The following TEX101 variants were observed in gnomAD, a reference collection of about 807,000 sequenced individuals.
The protein encoded by TEX101 is testis expressed 101.
In TEX101, 10 loss-of-function variants were observed where a neutral mutation model predicts 18.1. The ratio of observed to expected loss-of-function variants is 0.55; its 90% CI spans 0.34 to 0.94. The LOEUF (loss-of-function observed/expected upper bound fraction) is 0.94. Ranked by LOEUF, TEX101 falls within the 40% of genes least tolerant of loss-of-function variation. TEX101 has a pLI of 0.02. For synonymous variants in TEX101, 94 were observed against 114.8 expected, an observed-to-expected ratio of 0.82 and a Z score of 1.16; for missense variants, 259 against 298.9, an observed-to-expected ratio of 0.87 and a Z score of 0.98.
At chr19:43,399,802 A>ATTTTTTT (rs71169230), upstream of TEX101, among the ~76,000 whole-genome samples, 1 of 113,282 alleles carries the variant, frequency 8.8e-6, no homozygotes, top group African/African-American at 3.4e-5. Flanking sequence ...CCTATGTCCT[A>ATTTTTTT]TTTTTTTTTT....
At chr19:43,413,869 C>T (rs1017031879), upstream of TEX101, among the ~76,000 whole-genome samples, 11 of 151,778 alleles carry the variant, frequency 7.2e-5, no homozygotes, top group Admixed American at 3.3e-4. Flanking sequence ...GCATGAGAAT[C>T]GCTTGAACCT....
At chr19:43,390,450 C>CTTTTTTTTTTTT in the TEX101 span, among the ~76,000 whole-genome samples, 10 of 62,856 alleles carry the variant, frequency 1.6e-4, no homozygotes, top group African/African-American at 4.4e-4. Flanking sequence ...CTTTTCTTTT[C>CTTTTTTTTTTTT]TTTTTTTTTC....
chr19:43,400,696 G>A (rs1970311296), upstream of TEX101, among the ~76,000 whole-genome samples: 1 of 152,036 alleles, frequency 6.6e-6, no homozygotes, highest in South Asian at 2.1e-4. Flanking sequence ...CACCAGTTTA[G>A]TTTTCACTTT....
At chr19:43,393,753 G>T in the TEX101 span, among the ~76,000 whole-genome samples, 1 of 151,630 alleles carries the variant, frequency 6.6e-6, no homozygotes, top group East Asian at 2.0e-4. Context: ...GTGATATCAC[G>T]ATCATCTCCA....
At chr19:43,415,059 C>G in intron 1 of TEX101, 21 bp downstream of exon 1, 3 of 985,368 alleles carry the variant, frequency 3.0e-6, no homozygotes, top group Non-Finnish European at 3.6e-6. Flanking sequence ...GCTGGGGACC[C>G]AGATCCTGGC....
chr19:43,392,810 C>A, the TEX101 span, among the ~76,000 whole-genome samples: 4 of 152,142 alleles, frequency 2.6e-5, no homozygotes, highest in Non-Finnish European at 4.4e-5. Context: ...GTAATCCCAG[C>A]ATTTTGGGAG....
chr19:43,389,240 A>G, the TEX101 span, among the ~76,000 whole-genome samples: 1 of 152,198 alleles, frequency 6.6e-6, no homozygotes, highest in Non-Finnish European at 1.5e-5. Context: ...CCCAAGGAGG[A>G]AGCCGGAAAG....
chr19:43,388,825 A>T, the TEX101 span, among the ~76,000 whole-genome samples: 1 of 152,146 alleles, frequency 6.6e-6, no homozygotes, highest in African/African-American at 2.4e-5. Flanking sequence ...TTTTACTTCT[A>T]TGGATGTGAG....
chr19:43,418,011 A>G lies in TEX101; in HGVS notation c.520+5A>G. ...GAAAACTTGAGATCACTGGAGGTAA[A>G]CTGAAATGAACATCTGATAGTTTCA... On this transcript the variant is annotated splice_donor_5th_base_variant and intron_variant, in intron 5 of 5. Transcript: ENST00000598265. 1 of 1,614,140 alleles carries G rather than the reference A, an allele frequency of 6.2e-7. No individual in the cohort carries two copies. Among genetic ancestry groups the G allele is most frequent in the East Asian group, 2.2e-5 (1 of 44,880 alleles).
upstream of TEX101, among the ~76,000 whole-genome samples, chr19:43,397,873 T>C (rs1374394616): frequency 1.1e-5 from 1 of 94,908 alleles, no homozygotes; most frequent in Non-Finnish European, 1.9e-5. Context: ...ATATAATATA[T>C]AAAAATATAT....
At chr19:43,400,333 C>CTAGAAAAAGACATACTTTT (rs1970308418), upstream of TEX101, among the ~76,000 whole-genome samples, 3 of 152,250 alleles carry the variant, frequency 2.0e-5, no homozygotes, top group South Asian at 6.2e-4. Flanking sequence ...GCAGATACAG[C>CTAGAAAAAGACATACTTTT]TAGAAAAAGA....
chr19:43,415,858 C>A, intron 1 of TEX101, 23 bp from the exon 2 acceptor site: 2 of 1,605,812 alleles, frequency 1.2e-6, no homozygotes, highest in Non-Finnish European at 1.7e-6. Flanking sequence ...AAGTTAATTG[C>A]CTTCTCTCCA....
At position 43,416,029 on chromosome 19, in the gene TEX101, G is replaced by A. The variant is rs375829638; in HGVS notation, c.64+46G>A. On this transcript the variant is annotated intron_variant, in intron 2 of 5. Coordinates refer to ENST00000598265, the MANE Select transcript of TEX101 (RefSeq NM_001130011.3). ...GGAGAGCCGTGTGTCACAGAAGGTG[G>A]ACTGATGATGAAAAGGGAGCCGCCT... 82 of 1,611,486 alleles carry A rather than the reference G, an allele frequency of 5.1e-5. 1 individual carries two copies. The African/African-American group carries it at 8.7e-4, about 17-fold the overall frequency.
Position 43,418,243 on chromosome 19 carries a change from C to A in TEX101, c.596C>A (p.Ala199Glu). The change falls in exon 6 of 6, where the codon GCA (alanine) becomes GAA (glutamate). Residue 199 changes from alanine to glutamate, a missense_variant. Transcript: ENST00000598265. ...IGCRLMSGIL[A>E]VGPMFVREAC... ...TGCAGGCTGATGTCTGGAATCTTAG[C>A]AGTAGGACCCATGTTTGTGAGGGAA... The A allele has an allele frequency of 1.2e-6, 2 of 1,614,192 alleles. No individual in the cohort carries two copies. Among genetic ancestry groups the A allele is most frequent in the Non-Finnish European group, 1.7e-6 (2 of 1,180,028 alleles).
chr19:43,391,716 T>G, the TEX101 span, among the ~76,000 whole-genome samples: 2 of 152,170 alleles, frequency 1.3e-5, no homozygotes, highest in Non-Finnish European at 2.9e-5. Context: ...GGATCATGGC[T>G]CATGACCCAG....
upstream of TEX101, among the ~76,000 whole-genome samples, chr19:43,413,313 A>T (rs1970435734): frequency 1.3e-5 from 2 of 151,988 alleles, no homozygotes; most frequent in Non-Finnish European, 2.9e-5. Context: ...CATCCTGGCT[A>T]ACACAGTGAA....
upstream of TEX101, among the ~76,000 whole-genome samples, chr19:43,399,203 AT>A (rs1208914786): frequency 1.3e-5 from 2 of 151,838 alleles, no homozygotes; most frequent in Admixed American, 6.6e-5. Context: ...TTCTGGTTGC[AT>A]TTTTTTTAGG....
chr19:43,395,810 G>A, the TEX101 span, among the ~76,000 whole-genome samples: 15 of 152,314 alleles, frequency 9.8e-5, no homozygotes, highest in African/African-American at 3.4e-4. Flanking sequence ...GAGCCTCCGT[G>A]GCTCAGGTCC....
chr19:43,406,924 G>GTTTTTTTTTTTTTTTTTT (rs201495986), intron 3 of TEX101, among the ~76,000 whole-genome samples: 1 of 101,970 alleles, frequency 9.8e-6, no homozygotes, highest in African/African-American at 4.4e-5. Flanking sequence ...TTTTGTCTTT[G>GTTTTTTTTTTTTTTTTTT]TTTTTTGTTT....
Sources: allele counts gnomAD v4.1 joint callset (sites outside exome capture counted in the v4.1 genomes callset), GRCh38; gene constraint gnomAD v4.1.1; transcripts MANE v1.5; gene names NCBI Gene and HGNC (gene_info 2026-07-23, HGNC 2026-07-21).